The following FNBP1 variants were observed in gnomAD, a reference collection of about 807,000 sequenced individuals.
FNBP1 encodes the protein formin binding protein 1.
In FNBP1, 26 loss-of-function variants were observed where a neutral mutation model predicts 90.6. That is an observed-to-expected ratio of 0.29 (90% CI 0.21 to 0.40). The LOEUF (loss-of-function observed/expected upper bound fraction) is 0.40. Among genes scored for constraint, FNBP1 ranks in the 10% least tolerant of loss-of-function variants. FNBP1 has a pLI of 1.00. For missense variants in FNBP1, 635 were observed against 768.0 expected (o/e 0.83, Z 2.05); for synonymous variants, 260 against 265.2 (o/e 0.98, Z 0.19).
intron 16 of FNBP1, among the ~76,000 whole-genome samples, chr9:129,894,056 G>A (rs944679738): frequency 6.6e-6 from 1 of 152,070 alleles, no homozygotes; most frequent in Non-Finnish European, 1.5e-5. Context: ...GCTACTGCTT[G>A]GAAAATCAGC....
At chr9:129,931,577 G>T (rs1238641918) in intron 6 of FNBP1, among the ~76,000 whole-genome samples, 4 of 151,914 alleles carry the variant, frequency 2.6e-5, no homozygotes, top group Non-Finnish European at 4.4e-5. Flanking sequence ...CTATACTCCA[G>T]CCTGGGCGAC....
chr9:129,949,576 T>C lies in FNBP1; in HGVS notation c.513+7784A>G, dbSNP rs571038252. Among the ~76,000 whole-genome samples, 4 of 152,204 alleles carry C rather than the reference T, an allele frequency of 2.6e-5. No individual in the cohort carries two copies. The South Asian group carries it at 8.3e-4, about 32-fold the overall frequency. On this transcript the variant is annotated intron_variant, in intron 6 of 16. Transcript: ENST00000446176. ...ATGAATGGAGGTGATTTGAACACAGTGCTGGCCAGGCACATTGGCTCACAC... is the reference window on the plus strand; with the variant it reads ...ATGAATGGAGGTGATTTGAACACAGCGCTGGCCAGGCACATTGGCTCACAC...
chr9:129,904,680 C>T (rs2037632202), intron 12 of FNBP1, among the ~76,000 whole-genome samples: 1 of 152,190 alleles, frequency 6.6e-6, no homozygotes. Flanking sequence ...TATCTTGTTT[C>T]TTTCCTCTCT....
chr9:129,894,608 T>G (rs1273007128), intron 16 of FNBP1, among the ~76,000 whole-genome samples: 1 of 152,198 alleles, frequency 6.6e-6, no homozygotes, highest in Non-Finnish European at 1.5e-5. Flanking sequence ...ACGTTCTCTT[T>G]ATAGCCCCAC....
At chr9:129,975,924 A>AT (rs2050238603) in intron 4 of FNBP1, among the ~76,000 whole-genome samples, 1 of 149,528 alleles carries the variant, frequency 6.7e-6, no homozygotes, top group Admixed American at 6.7e-5. Flanking sequence ...AAAAAAAAAA[A>AT]GGAGAGAGAC....
the FNBP1 span, chr9:130,053,844 AG>A: frequency 7.7e-7 from 1 of 1,290,784 alleles, no homozygotes; most frequent in Non-Finnish European, 1.1e-6. Flanking sequence ...CTAGCCGCCG[AG>A]CCCCGCTCCC....
chr9:129,957,591 A>T lies in FNBP1; in HGVS notation c.409-127T>A, dbSNP rs1324555399. The T allele has an allele frequency of 1.3e-6, 1 of 774,408 alleles. No individual in the cohort carries two copies. Among genetic ancestry groups the T allele is most frequent in the Admixed American group, 2.7e-5 (1 of 36,786 alleles). 48.0% of individuals were successfully genotyped at this position (774,408 alleles called of 1,614,324 possible). Reference sequence around the variant, plus strand: ...TCTTCAGTCAGGGTCTCACTTTGTCACCCAGGCTGGAGTGCAGTGGCGCCA... The same window carrying T: ...TCTTCAGTCAGGGTCTCACTTTGTCTCCCAGGCTGGAGTGCAGTGGCGCCA... On this transcript the variant is annotated intron_variant, in intron 5 of 16. Transcript: ENST00000446176. This position sits in a 1 kb window ranked among gnomAD's most constrained non-coding sequence, Gnocchi z 4.3.
Position 130,042,926 on chromosome 9 carries a change from G to A in FNBP1, c.24+26C>T. The A allele has an allele frequency of 1.6e-6, 2 of 1,228,820 alleles. No homozygotes were observed. The highest frequency in any genetic ancestry group is 2.0e-6 in the Non-Finnish European group (2 of 984,666). The allele number at this position is 1,228,820 out of a possible 1,614,324, so 76.1% of individuals were successfully genotyped here. On this transcript the variant is annotated intron_variant, in intron 1 of 16. Transcript: ENST00000446176. This position sits in a 1 kb window ranked among gnomAD's most constrained non-coding sequence, Gnocchi z 5.5. ...GAAACGCAGCGCGCGCCCCGCATCTGCCCGCGGGCCCAGCCCCTCACTCAC... is the reference window on the plus strand; with the variant it reads ...GAAACGCAGCGCGCGCCCCGCATCTACCCGCGGGCCCAGCCCCTCACTCAC...
At chr9:130,022,449 C>A (rs2057929323) in intron 1 of FNBP1, among the ~76,000 whole-genome samples, 1 of 152,192 alleles carries the variant, frequency 6.6e-6, no homozygotes, top group South Asian at 2.1e-4. Flanking sequence ...TCAGGTGATC[C>A]ACCCACCTCG....
chr9:129,894,832 G>A (rs1242106149), intron 16 of FNBP1, among the ~76,000 whole-genome samples: 1 of 152,220 alleles, frequency 6.6e-6, no homozygotes, highest in African/African-American at 2.4e-5. Context: ...GGCAGAAGCA[G>A]GCAGATCACT....
intron 4 of FNBP1, among the ~76,000 whole-genome samples, chr9:129,975,075 C>T (rs1290932380): frequency 2.0e-5 from 3 of 151,872 alleles, no homozygotes; most frequent in African/African-American, 4.8e-5. Context: ...AAAAATCAGC[C>T]GGGCATGGTA....
chr9:129,936,908 G>A (rs769460714), intron 6 of FNBP1, among the ~76,000 whole-genome samples: 11 of 152,294 alleles, frequency 7.2e-5, no homozygotes, highest in Middle Eastern at 3.4e-3. Context: ...GGTGGCTCAC[G>A]CCTGTAATCT....
In FNBP1 at chr9:129,900,498, G is replaced by T; in HGVS notation, c.1478C>A (p.Ala493Glu). ...GTCGTACAGTCCGCTCTGCCGGCGC[G>T]CCTGCTCGCTGCGTGCTGGGAGCCG... Reference protein sequence around the residue: ...EGRLPARSEQARRQSGLYDSQ... With the variant: ...EGRLPARSEQERRQSGLYDSQ... Residue 493 changes from alanine to glutamate, a missense_variant, in exon 14 of 17, where the codon GCG becomes GAG. Coordinates refer to ENST00000446176, the MANE Select transcript of FNBP1 (RefSeq NM_015033.3). The surrounding 1 kb of genome is among the most constrained non-coding windows in gnomAD (Gnocchi z 4.1). The T allele has an allele frequency of 6.3e-7, 1 of 1,598,922 alleles. No homozygotes were observed. Among genetic ancestry groups the T allele is most frequent in the Non-Finnish European group, 8.5e-7 (1 of 1,173,904 alleles).
chr9:129,975,193 C>T lies in FNBP1; in HGVS notation c.345+3272G>A, dbSNP rs535064383. Among the ~76,000 whole-genome samples, 4 of 152,172 alleles carry T rather than the reference C, an allele frequency of 2.6e-5. No individual in the cohort carries two copies. The South Asian group carries it at 6.2e-4, about 24-fold the overall frequency. On this transcript the variant is annotated intron_variant, in intron 4 of 16. Transcript: ENST00000446176. ...GAGTTTGTGCAACTGCACTCCAGCC[C>T]GGGCAACAGAGCGAGACTCCGTCTC...
intron 6 of FNBP1, among the ~76,000 whole-genome samples, chr9:129,946,191 A>G (rs1360833650): frequency 6.6e-6 from 1 of 152,196 alleles, no homozygotes; most frequent in Non-Finnish European, 1.5e-5. Flanking sequence ...AAAACCAGAA[A>G]TGAAATTTTA....
At position 129,927,269 on chromosome 9, in the gene FNBP1, G is replaced by A. The variant is rs745873678; in HGVS notation, c.715C>T (p.Arg239Trp). Reference sequence around the variant, plus strand: ...TTCCCAATGATTGGGATCACCTGCCGATCAACCTCTGCATATGTCTTCATG... The same window carrying A: ...TTCCCAATGATTGGGATCACCTGCCAATCAACCTCTGCATATGTCTTCATG... The part of the protein sequence containing the change: ...ESMKTYAEVD[R>W]QVIPIIGKCL... Residue 239 changes from arginine to tryptophan, a missense_variant, in exon 8 of 17, where the codon CGG becomes TGG. Physicochemically the swap from Arg to Trp is moderately radical, Grantham distance 101. Coordinates refer to ENST00000446176, the MANE Select transcript of FNBP1 (RefSeq NM_015033.3). 2.5e-6 allele frequency: 4 copies of A among 1,613,078 alleles called. No individual in the cohort carries two copies. The highest frequency in any genetic ancestry group is 2.2e-5 in the East Asian group (1 of 44,892).
At chr9:129,982,190 G>C (rs1589055111) in intron 2 of FNBP1, among the ~76,000 whole-genome samples, 1 of 152,144 alleles carries the variant, frequency 6.6e-6, no homozygotes, top group Admixed American at 6.5e-5. Flanking sequence ...GAATGAAAGG[G>C]GGCCGGGCGC....
intron 6 of FNBP1, among the ~76,000 whole-genome samples, chr9:129,955,377 A>G (rs9969719): frequency 0.97 from 147,172 of 151,810 alleles, 71,508 homozygotes; most frequent in East Asian, 1. Flanking sequence ...GGGACCACAG[A>G]CATGGGCTAC....
At chr9:129,952,356 G>A (rs1047568983) in intron 6 of FNBP1, among the ~76,000 whole-genome samples, 12 of 152,098 alleles carry the variant, frequency 7.9e-5, no homozygotes, top group Admixed American at 5.2e-4. Flanking sequence ...AAGATTAGCC[G>A]GGTGTGGTGG....
Sources: allele counts gnomAD v4.1 joint callset (sites outside exome capture counted in the v4.1 genomes callset), GRCh38; gene constraint gnomAD v4.1.1; non-coding constraint Gnocchi (gnomAD v3.1); transcripts MANE v1.5; gene names NCBI Gene and HGNC (gene_info 2026-07-23, HGNC 2026-07-21).